Variants in PDGFD observed in about 807,000 individuals in gnomAD.
PDGFD encodes platelet-derived growth factor D.
Under a neutral mutation model 44.7 loss-of-function variants are expected in PDGFD, and 30 were observed. That is an observed-to-expected ratio of 0.67 (90% CI 0.50 to 0.91). The LOEUF (loss-of-function observed/expected upper bound fraction) is 0.91, where lower values mean the gene tolerates loss of function less well. PDGFD is among the 40% of genes least tolerant of loss of function. The pLI, the probability that PDGFD is intolerant of heterozygous loss-of-function variation, is 0.00. For synonymous variants in PDGFD, 173 were observed against 168.4 expected (o/e 1.03, Z -0.21); for missense variants, 445 against 457.8 (o/e 0.97, Z 0.25).
chr11:104,154,474 T>C (rs575831277), intron 1 of PDGFD, among the ~76,000 whole-genome samples: 108 of 152,240 alleles, frequency 7.1e-4, no homozygotes, highest in African/African-American at 2.5e-3. Flanking sequence ...CACAGTGACT[T>C]CACCCAGAGC....
chr11:103,970,418 C>G (rs748152408), intron 3 of PDGFD, among the ~76,000 whole-genome samples: 1 of 151,964 alleles, frequency 6.6e-6, no homozygotes, highest in Non-Finnish European at 1.5e-5. Context: ...AACTATGAGG[C>G]AACTGTTAAG....
intron 1 of PDGFD, among the ~76,000 whole-genome samples, chr11:104,105,616 A>T (rs1290312327): frequency 1.3e-5 from 2 of 151,842 alleles, no homozygotes; most frequent in Admixed American, 6.6e-5. Context: ...GCTTTACGTG[A>T]CATTTTTCTC....
chr11:103,969,474 G>GT (rs66571550), intron 3 of PDGFD, among the ~76,000 whole-genome samples: 11,086 of 89,568 alleles, frequency 0.12, 1,107 homozygotes, highest in East Asian at 0.36. Flanking sequence ...ACCAAGCCTG[G>GT]TTTTTTTTTT....
In PDGFD at chr11:103,974,983, T is replaced by C. The variant is rs1029745173; in HGVS notation, c.510+21082A>G. ...ATGTGCATGTGTCTTTATAGTAAAA[T>C]GATTTATAATTCTTTGGGTATATAC... On this transcript the variant is annotated intron_variant, in intron 3 of 6. Transcript: ENST00000393158. Among the ~76,000 whole-genome samples, 8 of 152,310 alleles carry C rather than the reference T, an allele frequency of 5.3e-5. No individual in the cohort carries two copies. The South Asian group carries it at 6.2e-4, about 12-fold the overall frequency.
At chr11:104,069,854 C>T (rs991403050) in intron 1 of PDGFD, among the ~76,000 whole-genome samples, 2 of 152,094 alleles carry the variant, frequency 1.3e-5, no homozygotes, top group African/African-American at 2.4e-5. Flanking sequence ...AGCGAGACTC[C>T]GTCTCAAAAG....
chr11:104,016,222 A>G (rs751302077), intron 1 of PDGFD, among the ~76,000 whole-genome samples: 1 of 152,178 alleles, frequency 6.6e-6, no homozygotes, highest in Non-Finnish European at 1.5e-5. Flanking sequence ...TGATTAATTC[A>G]TGGCTTTGCA....
chr11:103,961,186 A>C (rs1213873952), intron 3 of PDGFD, among the ~76,000 whole-genome samples: 1 of 152,206 alleles, frequency 6.6e-6, no homozygotes, highest in Non-Finnish European at 1.5e-5. Flanking sequence ...TTCAATAAAT[A>C]GTGTTGCAAT....
chr11:103,914,713 AC>A (rs1442558650), intron 6 of PDGFD, among the ~76,000 whole-genome samples: 1 of 152,212 alleles, frequency 6.6e-6, no homozygotes, highest in Non-Finnish European at 1.5e-5. Context: ...ATACTGGCAA[AC>A]CAAATCCAGC....
intron 1 of PDGFD, among the ~76,000 whole-genome samples, chr11:104,134,616 G>T (rs551737366): frequency 6.6e-5 from 10 of 152,132 alleles, no homozygotes; most frequent in South Asian, 6.2e-4. Context: ...CTTCCAATGT[G>T]TCAGGTCATG....
chr11:104,134,225 G>A (rs553660481), intron 1 of PDGFD, among the ~76,000 whole-genome samples: 46 of 133,732 alleles, frequency 3.4e-4, no homozygotes, highest in African/African-American at 1.3e-3. Flanking sequence ...GCCATCTTTG[G>A]AGTACTATAT....
intron 1 of PDGFD, among the ~76,000 whole-genome samples, chr11:104,072,387 A>G (rs1222841964): frequency 6.6e-6 from 1 of 151,682 alleles, no homozygotes; most frequent in Non-Finnish European, 1.5e-5. Context: ...TATACTGTCT[A>G]GGTATTGTGT....
chr11:103,917,956 T>G (rs1253289342), intron 6 of PDGFD, among the ~76,000 whole-genome samples: 3 of 152,154 alleles, frequency 2.0e-5, no homozygotes, highest in Non-Finnish European at 4.4e-5. Context: ...CATTTAGAAT[T>G]TTGCCATGCT....
At chr11:103,958,600 A>G (rs1858891095) in intron 3 of PDGFD, among the ~76,000 whole-genome samples, 1 of 152,208 alleles carries the variant, frequency 6.6e-6, no homozygotes. Flanking sequence ...AGTGCCTGGT[A>G]CATAGTAAGC....
chr11:104,060,739 T>G (rs1264623975), intron 1 of PDGFD, among the ~76,000 whole-genome samples: 2 of 152,210 alleles, frequency 1.3e-5, no homozygotes, highest in Non-Finnish European at 2.9e-5. Flanking sequence ...GGTGCTTCTG[T>G]GCGTGTATTT....
chr11:104,109,203 A>T (rs1357947338), intron 1 of PDGFD, among the ~76,000 whole-genome samples: 2 of 124,876 alleles, frequency 1.6e-5, no homozygotes, highest in Non-Finnish European at 3.5e-5. Flanking sequence ...AGTATAATTA[A>T]AAAAAAAAGA....
chr11:103,968,636 T>A (rs1859054927), intron 3 of PDGFD, among the ~76,000 whole-genome samples: 1 of 152,238 alleles, frequency 6.6e-6, no homozygotes, highest in Non-Finnish European at 1.5e-5. Flanking sequence ...GTTCGTCATG[T>A]CTCTTTTGGA....
intron 3 of PDGFD, among the ~76,000 whole-genome samples, chr11:103,958,693 A>T: frequency 6.6e-6 from 1 of 152,154 alleles, no homozygotes; most frequent in East Asian, 1.9e-4. Context: ...TCAACAAACC[A>T]TTTCACGCCT....
At position 103,980,539 on chromosome 11, in the gene PDGFD, T is replaced by C. The variant is rs369585618; in HGVS notation, c.510+15526A>G. ...CTGCCAACACTGCCAGGGTTGTGGG[T>C]GTCGAACTGGGAAGTGGAATCTCAC... On this transcript the variant is annotated intron_variant, in intron 3 of 6. Transcript: ENST00000393158. Among the ~76,000 whole-genome samples the C allele has an allele frequency of 2.0e-4, 31 of 152,178 alleles. No homozygotes were observed. The South Asian group carries it at 6.4e-3, about 32-fold the overall frequency.
intron 5 of PDGFD, among the ~76,000 whole-genome samples, chr11:103,939,269 A>C (rs558854808): frequency 6.6e-6 from 1 of 152,194 alleles, no homozygotes; most frequent in African/African-American, 2.4e-5. Context: ...GAGGTCCTTC[A>C]TGTCCCTTGT....
Sources: allele counts gnomAD v4.1 joint callset (sites outside exome capture counted in the v4.1 genomes callset), GRCh38; gene constraint gnomAD v4.1.1; transcripts MANE v1.5; gene names NCBI Gene and HGNC (gene_info 2026-07-23, HGNC 2026-07-21).